FHIT: variants seen among roughly 807,000 people sequenced by gnomAD.
The protein encoded by FHIT is fragile histidine triad diadenosine triphosphatase.
FHIT carries 19 observed loss-of-function variants against 17.9 expected under a neutral mutation model. The ratio of observed to expected loss-of-function variants is 1.06; its 90% CI spans 0.74 to 1.56. The LOEUF (loss-of-function observed/expected upper bound fraction) is 1.56. FHIT is among the 40% of genes most tolerant of loss of function. FHIT has a pLI of 0.00. For missense variants in FHIT, 248 were observed against 189.2 expected (o/e 1.31, Z -1.82); for synonymous variants, 81 against 69.7 (o/e 1.16, Z -0.81).
intron 5 of FHIT, among the ~76,000 whole-genome samples, chr3:60,436,524 G>T (rs2107313808): frequency 6.6e-6 from 1 of 152,066 alleles, no homozygotes; most frequent in East Asian, 1.9e-4. Context: ...GCTTTTATAT[G>T]TCCTAGACAT....
At chr3:61,161,434 T>C (rs1461864545) in intron 2 of FHIT, among the ~76,000 whole-genome samples, 2 of 152,054 alleles carry the variant, frequency 1.3e-5, no homozygotes, top group Non-Finnish European at 2.9e-5. Flanking sequence ...GATCTCCTGA[T>C]TTCGTGATCC....
At chr3:60,383,417 G>C (rs1700886047) in intron 5 of FHIT, among the ~76,000 whole-genome samples, 1 of 151,904 alleles carries the variant, frequency 6.6e-6, no homozygotes, top group Non-Finnish European at 1.5e-5. Context: ...AGAAATATTT[G>C]GCAATGTCTA....
chr3:61,208,706 G>T (rs1373822743), intron 1 of FHIT, among the ~76,000 whole-genome samples: 2 of 151,796 alleles, frequency 1.3e-5, no homozygotes, highest in Admixed American at 6.6e-5. Flanking sequence ...GAGCCTATGT[G>T]TGTCTCTGTA....
At chr3:60,934,434 AAT>A (rs782092399) in intron 3 of FHIT, among the ~76,000 whole-genome samples, 3 of 152,168 alleles carry the variant, frequency 2.0e-5, no homozygotes, top group Non-Finnish European at 4.4e-5. Context: ...TCCATGAAAA[AAT>A]ATGTCTGAGC....
At chr3:60,269,050 C>G (rs1442932979) in intron 5 of FHIT, among the ~76,000 whole-genome samples, 1 of 152,172 alleles carries the variant, frequency 6.6e-6, no homozygotes, top group South Asian at 2.1e-4. Flanking sequence ...CTGCTGACAT[C>G]TTGATTTTAG....
At chr3:61,099,846 A>C (rs757931591) in intron 2 of FHIT, among the ~76,000 whole-genome samples, 1 of 151,934 alleles carries the variant, frequency 6.6e-6, no homozygotes, top group Non-Finnish European at 1.5e-5. Flanking sequence ...TTTTATTATT[A>C]ATAATTCTTT....
chr3:60,035,823 A>G (rs1701192668), intron 5 of FHIT, among the ~76,000 whole-genome samples: 1 of 152,154 alleles, frequency 6.6e-6, no homozygotes, highest in African/African-American at 2.4e-5. Flanking sequence ...ATTGTCTTCT[A>G]CTCTGAATAT....
At chr3:60,923,611 G>A (rs1239879097) in intron 3 of FHIT, among the ~76,000 whole-genome samples, 2 of 152,178 alleles carry the variant, frequency 1.3e-5, no homozygotes, top group African/African-American at 2.4e-5. Flanking sequence ...AACAGCTCCA[G>A]TCTACAGCTC....
At chr3:61,060,163 T>C (rs1263258444) in intron 2 of FHIT, among the ~76,000 whole-genome samples, 2 of 152,218 alleles carry the variant, frequency 1.3e-5, no homozygotes, top group Admixed American at 1.3e-4. Flanking sequence ...CTTAAATGTG[T>C]ATATAGTTCG....
chr3:60,492,664 G>A (rs2034116853), intron 5 of FHIT, among the ~76,000 whole-genome samples: 1 of 151,858 alleles, frequency 6.6e-6, no homozygotes, highest in Non-Finnish European at 1.5e-5. Context: ...CCACCATCAT[G>A]CCTGGCTAAT....
At chr3:60,808,351 A>C (rs1701467809) in intron 4 of FHIT, among the ~76,000 whole-genome samples, 1 of 152,140 alleles carries the variant, frequency 6.6e-6, no homozygotes, top group African/African-American at 2.4e-5. Flanking sequence ...ATATTTTGAT[A>C]ATCTTGTCTA....
In FHIT at chr3:60,506,645, G is replaced by T. The variant is rs2034743048; in HGVS notation, c.103+30215C>A. ...GGATATAACACACGGCCCTCCCAAA[G>T]GAAGCTTTAAACGTATGTGTGTGGT... On this transcript the variant is annotated intron_variant, in intron 5 of 9. Transcript: ENST00000492590. Among the ~76,000 whole-genome samples the T allele has an allele frequency of 2.0e-5, 3 of 152,140 alleles. No individual in the cohort carries two copies. In the South Asian group the frequency reaches 6.2e-4, roughly 32 times the overall value.
chr3:60,200,946 C>G (rs960957586), intron 5 of FHIT, among the ~76,000 whole-genome samples: 1 of 152,052 alleles, frequency 6.6e-6, no homozygotes, highest in African/African-American at 2.4e-5. Context: ...ACATTTATTG[C>G]CAGGCATTAA....
chr3:60,400,849 A>G (rs1701631786), intron 5 of FHIT, among the ~76,000 whole-genome samples: 1 of 152,198 alleles, frequency 6.6e-6, no homozygotes, highest in East Asian at 1.9e-4. Context: ...AAGTCTCTAA[A>G]AAACAAAATT....
chr3:60,840,875 G>A (rs1702705050), intron 3 of FHIT, among the ~76,000 whole-genome samples: 1 of 152,182 alleles, frequency 6.6e-6, no homozygotes, highest in South Asian at 2.1e-4. Context: ...TTTCAATGTG[G>A]TGTCTAACAG....
intron 3 of FHIT, among the ~76,000 whole-genome samples, chr3:60,919,461 A>G (rs1427761614): frequency 2.6e-5 from 4 of 151,600 alleles, no homozygotes; most frequent in Admixed American, 6.6e-5. Flanking sequence ...CAGATGACTC[A>G]CAAAATACTC....
chr3:61,188,906 A>T (rs893872132), intron 2 of FHIT, among the ~76,000 whole-genome samples: 7 of 152,064 alleles, frequency 4.6e-5, no homozygotes, highest in African/African-American at 7.2e-5. Context: ...AAACTCTCAA[A>T]AAATGAGGTA....
chr3:59,828,572 C>T (rs1191863922), intron 8 of FHIT, among the ~76,000 whole-genome samples: 5 of 152,184 alleles, frequency 3.3e-5, no homozygotes, highest in Admixed American at 6.5e-5. Flanking sequence ...CCCAGAAAGA[C>T]GCTAGATACA....
chr3:60,832,952 A>G (rs1406323360), intron 3 of FHIT, among the ~76,000 whole-genome samples: 1 of 152,194 alleles, frequency 6.6e-6, no homozygotes, highest in Non-Finnish European at 1.5e-5. Context: ...GTAGCCATAT[A>G]TGTTGCTAGT....
Sources: allele counts gnomAD v4.1 joint callset (sites outside exome capture counted in the v4.1 genomes callset), GRCh38; gene constraint gnomAD v4.1.1; transcripts MANE v1.5; gene names NCBI Gene and HGNC (gene_info 2026-07-23, HGNC 2026-07-21).